The following NLGN1 variants were observed in gnomAD, a reference collection of about 807,000 sequenced individuals.
NLGN1 encodes the protein neuroligin 1.
A neutral mutation model predicts 65.5 loss-of-function variants in NLGN1; 12 were observed. That is an observed-to-expected ratio of 0.18 (90% CI 0.12 to 0.30). NLGN1 has a LOEUF of 0.30. Among genes scored for constraint, NLGN1 ranks in the 10% least tolerant of loss-of-function variants. The probability of loss-of-function intolerance (pLI) is 1.00; values close to 1 mark genes in which losing one functional copy is unlikely to be tolerated. For synonymous variants in NLGN1, 350 were observed against 359.5 expected, an observed-to-expected ratio of 0.97 and a Z score of 0.30; for missense variants, 750 against 1,007.1, an observed-to-expected ratio of 0.74 and a Z score of 3.46.
At chr3:173,632,888 G>A (rs1028925367) in intron 3 of NLGN1, among the ~76,000 whole-genome samples, 4 of 144,590 alleles carry the variant, frequency 2.8e-5, no homozygotes, top group African/African-American at 5.1e-5. Flanking sequence ...TTCTCAAAAA[G>A]GGATGATATG....
At chr3:173,497,248 G>A (rs1730176899) in intron 2 of NLGN1, among the ~76,000 whole-genome samples, 1 of 151,762 alleles carries the variant, frequency 6.6e-6, no homozygotes, top group South Asian at 2.1e-4. Flanking sequence ...GCTAGGCATG[G>A]CGGTATGCTC....
intron 4 of NLGN1, among the ~76,000 whole-genome samples, chr3:174,255,435 C>CAAAAAAAAAAAAA (rs71162383): frequency 1.4e-5 from 1 of 70,220 alleles, no homozygotes; most frequent in African/African-American, 7.7e-5. Context: ...GACTCTGTCT[C>CAAAAAAAAAAAAA]AAAAAAAAAA....
At chr3:174,240,672 A>G (rs1742624421) in intron 4 of NLGN1, among the ~76,000 whole-genome samples, 1 of 152,236 alleles carries the variant, frequency 6.6e-6, no homozygotes, top group Non-Finnish European at 1.5e-5. Context: ...AGAAAACATC[A>G]TGACCCATGG....
At chr3:173,453,417 G>T (rs1195868140) in intron 2 of NLGN1, among the ~76,000 whole-genome samples, 1 of 151,578 alleles carries the variant, frequency 6.6e-6, no homozygotes, top group Non-Finnish European at 1.5e-5. Flanking sequence ...CAATGAAGTT[G>T]GTCACATTGA....
intron 4 of NLGN1, among the ~76,000 whole-genome samples, chr3:173,996,487 G>T (rs1722303141): frequency 6.6e-6 from 1 of 152,168 alleles, no homozygotes. Context: ...CACAATTTGA[G>T]AAACCATTGC....
At chr3:173,953,155 A>G (rs1406615385) in intron 4 of NLGN1, among the ~76,000 whole-genome samples, 2 of 152,208 alleles carry the variant, frequency 1.3e-5, no homozygotes, top group Non-Finnish European at 2.9e-5. Context: ...GCTTAGAATT[A>G]TCTATTTAAA....
In NLGN1 at chr3:173,935,620, ACACTCTCTCT is replaced by A. The variant is rs1402372863; in HGVS notation, c.646+127790_646+127799del. ...CACACACACACACACACACACACACACACTCTCTCTCTCTCTCTCTCTCTCTCTCTCTGTC... is the reference window on the plus strand; with the variant it reads ...CACACACACACACACACACACACACACTCTCTCTCTCTCTCTCTCTCTGTC... On this transcript the variant is annotated intron_variant, in intron 4 of 6. Transcript: ENST00000457714. Among the ~76,000 whole-genome samples the A allele has an allele frequency of 6.0e-5, 7 of 116,666 alleles. No individual in the cohort carries two copies. In the East Asian group the frequency reaches 1.5e-3, roughly 25 times the overall value. The allele number at this position is 116,666 out of a possible 152,430, so 76.5% of individuals were successfully genotyped here.
chr3:174,238,338 A>T (rs921416975), intron 4 of NLGN1, among the ~76,000 whole-genome samples: 1 of 149,514 alleles, frequency 6.7e-6, no homozygotes, highest in African/African-American at 2.5e-5. Flanking sequence ...TTTTTTTATC[A>T]TTTCTTCACT....
chr3:173,911,622 G>A (rs1372741923), intron 4 of NLGN1, among the ~76,000 whole-genome samples: 6 of 152,110 alleles, frequency 3.9e-5, no homozygotes, highest in Admixed American at 6.6e-5. Flanking sequence ...GTGCAGTTGC[G>A]ATGGCAACAA....
At chr3:174,225,220 C>T (rs946023261) in intron 4 of NLGN1, among the ~76,000 whole-genome samples, 2 of 152,136 alleles carry the variant, frequency 1.3e-5, no homozygotes, top group Non-Finnish European at 2.9e-5. Flanking sequence ...CCACTTTCTT[C>T]AGACAAAAAT....
chr3:174,077,516 T>C (rs945950072), intron 4 of NLGN1, among the ~76,000 whole-genome samples: 1 of 152,060 alleles, frequency 6.6e-6, no homozygotes, highest in Non-Finnish European at 1.5e-5. Flanking sequence ...GAAATATATA[T>C]ATTTAGACTT....
At chr3:173,928,968 C>G (rs535601289) in intron 4 of NLGN1, among the ~76,000 whole-genome samples, 3 of 151,996 alleles carry the variant, frequency 2.0e-5, no homozygotes, top group Non-Finnish European at 4.4e-5. Flanking sequence ...CCATGCCTGG[C>G]CTGACATAGT....
intron 3 of NLGN1, among the ~76,000 whole-genome samples, chr3:173,770,347 C>T (rs6779230): frequency 2.6e-5 from 4 of 151,956 alleles, no homozygotes; most frequent in Non-Finnish European, 5.9e-5. Context: ...CCAAGGTTAC[C>T]TGCACAGATA....
exon 7 of NLGN1, chr3:174,284,013 T>G (rs1751843907): frequency 6.6e-6 from 1 of 151,386 alleles, no homozygotes; most frequent in Non-Finnish European, 1.5e-5. Context: ...TGGCCATATT[T>G]ATATCATCTA....
At chr3:173,723,920 C>T (rs1405287629) in intron 3 of NLGN1, among the ~76,000 whole-genome samples, 1 of 152,130 alleles carries the variant, frequency 6.6e-6, no homozygotes, top group African/African-American at 2.4e-5. Flanking sequence ...TGGTCAGATT[C>T]TGATGTCTTT....
chr3:173,719,258 C>T (rs1770402275), intron 3 of NLGN1, among the ~76,000 whole-genome samples: 1 of 152,138 alleles, frequency 6.6e-6, no homozygotes, highest in South Asian at 2.1e-4. Context: ...TCTGATTTTC[C>T]TCTCTTTTTG....
chr3:173,481,146 A>G (rs1263111481), intron 2 of NLGN1, among the ~76,000 whole-genome samples: 3 of 152,066 alleles, frequency 2.0e-5, no homozygotes, highest in Non-Finnish European at 4.4e-5. Flanking sequence ...TGCCCCCAAT[A>G]ACACAATAGT....
chr3:173,469,559 T>C (rs1411590742), intron 2 of NLGN1, among the ~76,000 whole-genome samples: 1 of 151,950 alleles, frequency 6.6e-6, no homozygotes, highest in African/African-American at 2.4e-5. Context: ...CTAAGGCAGA[T>C]GGATGCTAAC....
chr3:174,007,103 A>C (rs1386562987), intron 4 of NLGN1, among the ~76,000 whole-genome samples: 1 of 152,082 alleles, frequency 6.6e-6, no homozygotes, highest in African/African-American at 2.4e-5. Flanking sequence ...ATTCAGACAC[A>C]CAGAGAGACA....
Sources: gnomAD v4.1 joint callset for allele counts (sites outside exome capture counted in the v4.1 genomes callset) on GRCh38, gnomAD v4.1.1 for gene constraint, MANE v1.5 for transcripts, NCBI Gene and HGNC (gene_info 2026-07-23, HGNC 2026-07-21) for gene names.